The following LTN1 variants were observed in gnomAD, a reference collection of about 807,000 sequenced individuals.
The protein encoded by LTN1 is E3 ubiquitin-protein ligase listerin.
Under a neutral mutation model 201.2 loss-of-function variants are expected in LTN1, and 88 were observed. That is an observed-to-expected ratio of 0.44 (90% CI 0.37 to 0.52). The LOEUF (loss-of-function observed/expected upper bound fraction) is 0.52. Among genes scored for constraint, LTN1 ranks in the 20% least tolerant of loss-of-function variants. LTN1 has a pLI of 0.00. For missense variants in LTN1, 1,752 were observed against 2,038.7 expected (o/e 0.86, Z 2.71); for synonymous variants, 645 against 713.5 (o/e 0.90, Z 1.53).
At chr21:28,952,712 C>T (rs1292906616) in intron 17 of LTN1, among the ~76,000 whole-genome samples, 2 of 152,204 alleles carry the variant, frequency 1.3e-5, no homozygotes, top group East Asian at 1.9e-4. Context: ...GCAAAGCATA[C>T]TCAAAATACT....
chr21:28,944,685 T>C (rs940284063), intron 21 of LTN1, 89 bp from the exon 22 acceptor site: 3 of 912,416 alleles, frequency 3.3e-6, no homozygotes, highest in Non-Finnish European at 5.0e-6. Flanking sequence ...CCCACTTTCA[T>C]TTCTTTGAAT....
chr21:28,952,581 T>C (rs529440689), intron 17 of LTN1, among the ~76,000 whole-genome samples: 1 of 152,172 alleles, frequency 6.6e-6, no homozygotes, highest in East Asian at 1.9e-4. Flanking sequence ...GAAAAAGACA[T>C]CTCCCAGAGG....
chr21:28,949,286 T>C (rs1325114354), intron 18 of LTN1, among the ~76,000 whole-genome samples: 2 of 152,208 alleles, frequency 1.3e-5, no homozygotes, highest in Admixed American at 6.5e-5. Flanking sequence ...ATTTTGTCAT[T>C]TGTCCCTGTA....
chr21:28,992,723 G>C (rs1440505314), intron 1 of LTN1, 41 bp downstream of exon 1: 2 of 1,611,820 alleles, frequency 1.2e-6, no homozygotes, highest in African/African-American at 2.7e-5. Context: ...CAGCCGCCTC[G>C]AAGCGAGGCT....
rs983802920 is a variant in LTN1 at position 28,928,539 on chromosome 21, C to T, written c.*1909G>A. 1.7e-5 allele frequency: 2 copies of T among 119,650 alleles called. No homozygotes were observed. The highest frequency in any genetic ancestry group is 3.4e-5 in the Non-Finnish European group (2 of 58,710). The allele number at this position is 119,650 out of a possible 1,614,324, so 7.4% of individuals were successfully genotyped here. A position where few individuals can be genotyped will look rare whatever the true frequency, so the allele number is the denominator to read the frequency against. On this transcript the variant is annotated 3_prime_UTR_variant, in exon 30 of 30. Coordinates refer to ENST00000361371, the MANE Select transcript of LTN1 (RefSeq NM_015565.3). ...CTGTAATCCTTTTAGTTAGAGTTGT[C>T]AACGCTGTACAGATGTGGTATTCTG... is the stretch of plus-strand genomic sequence containing the variant.
chr21:28,969,667 A>T, intron 8 of LTN1, 66 bp from the exon 9 acceptor site: 1 of 1,268,602 alleles, frequency 7.9e-7, no homozygotes, highest in Non-Finnish European at 1.1e-6. Context: ...GAATTATCAA[A>T]ATAAAGACCT....
Position 28,953,392 on chromosome 21 carries a change from G to C in LTN1, c.3080-16C>G. 5 of 1,558,620 alleles carry C rather than the reference G, an allele frequency of 3.2e-6. No homozygotes were observed. The highest frequency in any genetic ancestry group is 1.7e-4 in the Middle Eastern group (1 of 5,800). On this transcript the variant is annotated splice_polypyrimidine_tract_variant and intron_variant, in intron 16 of 29. Transcript: ENST00000361371. ...AGTTCTGCAACTAAAAGAAGAGACA[G>C]CACCAAATTATGAAAAGCACTCTGT...
chr21:28,959,986 C>T (rs567309231), intron 12 of LTN1: 5 of 261,870 alleles, frequency 1.9e-5, no homozygotes, highest in East Asian at 9.3e-5. Context: ...AAAAAAAAAC[C>T]CTTTAGGATA....
intron 6 of LTN1, among the ~76,000 whole-genome samples, chr21:28,975,591 C>A (rs944236954): frequency 2.4e-4 from 36 of 152,196 alleles, no homozygotes; most frequent in African/African-American, 6.5e-4. Flanking sequence ...AAACTATTTA[C>A]AAAAATAGAT....
rs985046780 is a variant in LTN1 at position 28,957,495 on chromosome 21, A to G, written c.2748-19T>C. On this transcript the variant is annotated intron_variant, in intron 14 of 29. Transcript: ENST00000361371. ...TTGGAGACTAAAAATAATGCAGAGAACTTAACTGTTGTAGTTACGCTATGA... is the reference window on the plus strand; with the variant it reads ...TTGGAGACTAAAAATAATGCAGAGAGCTTAACTGTTGTAGTTACGCTATGA... The G allele has an allele frequency of 2.0e-6, 3 of 1,525,098 alleles. No individual in the cohort carries two copies. The African/African-American group carries it at 4.2e-5, about 21-fold the overall frequency. 94.5% of individuals were successfully genotyped at this position (1,525,098 alleles called of 1,614,324 possible).
In LTN1 at chr21:28,986,594, CTG is replaced by C. The variant is rs1339886850; in HGVS notation, c.246+135_246+136del. On this transcript the variant is annotated intron_variant, in intron 2 of 29. Coordinates refer to ENST00000361371, the MANE Select transcript of LTN1 (RefSeq NM_015565.3). This position sits in a 1 kb window ranked among gnomAD's most constrained non-coding sequence, Gnocchi z 4.1. ...ATAAATATCAACTAAGTTTAAGACT[CTG>C]TGTCAGAAAAAAGTACAATTATAAA... 2 of 698,108 alleles carry C rather than the reference CTG, an allele frequency of 2.9e-6. No individual in the cohort carries two copies. Among genetic ancestry groups the C allele is most frequent in the African/African-American group, 3.6e-5 (2 of 55,434 alleles). 43.2% of individuals were successfully genotyped at this position (698,108 alleles called of 1,614,324 possible).
In LTN1 at chr21:28,987,044, C is replaced by A. The variant is rs1051882899; in HGVS notation, c.43-110G>T. The A allele has an allele frequency of 4.9e-5, 34 of 690,030 alleles. No homozygotes were observed. The Admixed American group carries it at 9.3e-4, about 19-fold the overall frequency. The allele number at this position is 690,030 out of a possible 1,614,324, so 42.7% of individuals were successfully genotyped here. A position where few individuals can be genotyped will look rare whatever the true frequency, so the allele number is the denominator to read the frequency against. On this transcript the variant is annotated intron_variant, in intron 1 of 29. Coordinates refer to ENST00000361371, the MANE Select transcript of LTN1 (RefSeq NM_015565.3). ...TCAGAATGAGCTTTTATTTTATTTT[C>A]TTTTTTCCTAGCCTAAAATTTCATC...
At chr21:28,977,646 C>T (rs1447920186) in intron 6 of LTN1, among the ~76,000 whole-genome samples, 1 of 152,192 alleles carries the variant, frequency 6.6e-6, no homozygotes, top group East Asian at 1.9e-4. Context: ...CAGCTTGAAC[C>T]TGGGAGGTGG....
At chr21:28,956,165 C>A (rs1292885662) in intron 16 of LTN1, among the ~76,000 whole-genome samples, 3 of 151,804 alleles carry the variant, frequency 2.0e-5, no homozygotes, top group Non-Finnish European at 4.4e-5. Flanking sequence ...GAATGGGTAC[C>A]AAAATACAGT....
In LTN1 at chr21:28,932,473, A is replaced by G; in HGVS notation, c.5067T>C (p.His1689=). ...WMLQLSTYLT[H]QNGSIMEGLA... ...AAATGTGTAAACAGAAACTTACCTG[A>G]TGGGTGAGGTAAGTGCTTAACTGCA... Residue 1689 remains histidine (H), a synonymous_variant, in exon 28 of 30, where the codon CAT becomes CAC. Transcript: ENST00000361371. The G allele has an allele frequency of 6.2e-7, 1 of 1,612,792 alleles. No homozygotes were observed. Among genetic ancestry groups the G allele is most frequent in the Non-Finnish European group, 8.5e-7 (1 of 1,179,606 alleles).
rs747948331 is a variant in LTN1 at position 28,966,771 on chromosome 21, G to C, written c.1720C>G (p.Leu574Val). The change falls in exon 10 of 30, where the codon CTC becomes GTC. Residue 574 changes from leucine to valine, a missense_variant. Coordinates refer to ENST00000361371, the MANE Select transcript of LTN1 (RefSeq NM_015565.3). ...EGWELTTEPS[L>V]THNSSGLLSP... ...AAAAGGCCTGAAGAATTATGAGTGAGAGAAGGTTCAGTTGTTAATTCCCAG... is the reference window on the plus strand; with the variant it reads ...AAAAGGCCTGAAGAATTATGAGTGACAGAAGGTTCAGTTGTTAATTCCCAG... 4.3e-6 allele frequency: 7 copies of C among 1,613,958 alleles called. No homozygotes were observed. In the South Asian group the frequency reaches 6.6e-5, roughly 15 times the overall value.
chr21:28,992,792 T>C lies in LTN1; in HGVS notation c.14A>G (p.Asn5Ser), dbSNP rs1266025233. 1 of 1,614,086 alleles carries C rather than the reference T, an allele frequency of 6.2e-7. No homozygotes were observed. The part of the protein sequence containing the change: MGGK[N>S]KQRTKGNLRP... ...CAGGTTCCCTTTAGTTCGCTGCTTG[T>C]TCTTCCCGCCCATGGTCGCGGTTGC... The change falls in exon 1 of 30, where the codon AAC becomes AGC. Residue 5 changes from asparagine to serine, a missense_variant. By Grantham distance (46) the Asn-to-Ser change is conservative (BLOSUM62 1). Coordinates refer to ENST00000361371, the MANE Select transcript of LTN1 (RefSeq NM_015565.3).
intron 23 of LTN1, 101 bp from the exon 24 acceptor site, chr21:28,943,437 G>A: frequency 1.4e-6 from 1 of 732,044 alleles, no homozygotes; most frequent in South Asian, 1.8e-5. Flanking sequence ...ATGAGTAAAT[G>A]TTTTAATGAG....
Position 28,930,372 on chromosome 21 carries a change from T to A in LTN1, c.*76A>T. ...AGTAATGCTCACTGGCTTCCCCACA[T>A]CCACACTTTCAGACGGATCCAAATC... On this transcript the variant is annotated 3_prime_UTR_variant, in exon 30 of 30. Coordinates refer to ENST00000361371, the MANE Select transcript of LTN1 (RefSeq NM_015565.3). 9.0e-7 allele frequency: 1 copy of A among 1,111,716 alleles called. No homozygotes were observed. The highest frequency in any genetic ancestry group is 1.3e-6 in the Non-Finnish European group (1 of 751,866). 68.9% of individuals were successfully genotyped at this position (1,111,716 alleles called of 1,614,324 possible). A position where few individuals can be genotyped will look rare whatever the true frequency, so the allele number is the denominator to read the frequency against.
Sources: allele counts gnomAD v4.1 joint callset (sites outside exome capture counted in the v4.1 genomes callset), GRCh38; gene constraint gnomAD v4.1.1; non-coding constraint Gnocchi (gnomAD v3.1); transcripts MANE v1.5; gene names NCBI Gene and HGNC (gene_info 2026-07-23, HGNC 2026-07-21).